SLC25A43: variants seen among roughly 807,000 people sequenced by gnomAD.
SLC25A43 encodes the protein solute carrier family 25 member 43, also known as solute carrier family 25, member 43.
A neutral mutation model predicts 22.8 loss-of-function variants in SLC25A43; 10 were observed. The ratio of observed to expected loss-of-function variants is 0.44; its 90% CI spans 0.27 to 0.74. The LOEUF (loss-of-function observed/expected upper bound fraction) is 0.74. SLC25A43 is among the 30% of genes least tolerant of loss of function. SLC25A43 has a pLI of 0.17. For synonymous variants in SLC25A43, 106 were observed against 121.6 expected (o/e 0.87, Z 0.84); for missense variants, 233 against 279.1 (o/e 0.83, Z 1.18).
Position 119,425,444 on chromosome X carries a change from G to A in SLC25A43, c.690+15082G>A, listed in dbSNP as rs1238413580. On this transcript the variant is annotated intron_variant, in intron 3 of 4. Transcript: ENST00000217909. ...GGAACAGAGTTCTATTTGCCTAACA[G>A]AGTCAAATTACCTGTCCAGAGGTAC... Among the ~76,000 whole-genome samples the A allele has an allele frequency of 1.1e-4, 12 of 111,417 alleles. 1 individual carries two copies. The highest frequency in any genetic ancestry group is 3.6e-4 in the African/African-American group (11 of 30,587).
At chrX:119,442,658 T>G (rs1351017808) in intron 3 of SLC25A43, among the ~76,000 whole-genome samples, 1 of 112,139 alleles carries the variant, frequency 8.9e-6, no homozygotes, top group East Asian at 2.8e-4. Flanking sequence ...AAGGAAACAC[T>G]TTAAAGTAAG....
In SLC25A43 at chrX:119,399,341, C is replaced by A; in HGVS notation, c.-63C>A. ...GGCGGGGCCTGGGGCCCGCCACCTC[C>A]GCCCGTGGCCGGAGAGCCCCAGGCC... is the stretch of plus-strand genomic sequence containing the variant. On this transcript the variant is annotated 5_prime_UTR_variant, in exon 1 of 5. Coordinates refer to ENST00000217909, the MANE Select transcript of SLC25A43 (RefSeq NM_145305.3). 2 of 845,404 alleles carry A rather than the reference C, an allele frequency of 2.4e-6. No homozygotes were observed. Among genetic ancestry groups the A allele is most frequent in the Non-Finnish European group, 3.0e-6 (2 of 671,695 alleles). 69.7% of individuals were successfully genotyped at this position (845,404 alleles called of 1,213,427 possible). A position where few individuals can be genotyped will look rare whatever the true frequency, so the allele number is the denominator to read the frequency against.
chrX:119,399,521 G>T lies in SLC25A43; in HGVS notation c.118G>T (p.Ala40Ser). Residue 40 changes from alanine (A) to serine (S), a missense_variant, in exon 1 of 5, where the codon GCC becomes TCC. Physicochemically the swap from Ala to Ser is moderately conservative, Grantham distance 99 (BLOSUM62 1). Transcript: ENST00000217909. ...GCCCCTGGAGCTCGCCACCGTGCTGGCCCAGGTTGGCGTCGTGCGAGGCCA... is the reference window on the plus strand; with the variant it reads ...GCCCCTGGAGCTCGCCACCGTGCTGTCCCAGGTTGGCGTCGTGCGAGGCCA... The part of the protein sequence containing the change: ...TAPLELATVL[A>S]QVGVVRGHAR... The T allele has an allele frequency of 9.2e-7, 1 of 1,092,564 alleles. No homozygotes were observed. The highest frequency in any genetic ancestry group is 1.9e-5 in the African/African-American group (1 of 52,554). The allele number at this position is 1,092,564 out of a possible 1,213,427, so 90.0% of individuals were successfully genotyped here.
rs1465240770 is a variant in SLC25A43, at chrX:119,410,326, CTCCT to C, written c.656_659del (p.Ser219PhefsTer6). On this transcript the variant is annotated frameshift_variant, in exon 3 of 5. Coordinates refer to ENST00000217909, the MANE Select transcript of SLC25A43 (RefSeq NM_145305.3). LOFTEE classifies it high-confidence loss of function. ...TGGCTGCTGCAGTGACCCAGACCCTCTCCTTTCCCTTTGAGACCGTGAAGAGAAA... is the reference window on the plus strand; with the variant it reads ...TGGCTGCTGCAGTGACCCAGACCCTCTTCCCTTTGAGACCGTGAAGAGAAA... 3 of 1,209,188 alleles carry C rather than the reference CTCCT, an allele frequency of 2.5e-6. No individual in the cohort carries two copies. The highest frequency in any genetic ancestry group is 3.4e-6 in the Non-Finnish European group (3 of 895,062).
At chrX:119,399,969 C>T (rs2052222902) in intron 1 of SLC25A43, among the ~76,000 whole-genome samples, 1 of 112,680 alleles carries the variant, frequency 8.9e-6, no homozygotes, top group Admixed American at 9.3e-5. Context: ...AGGTGGAATG[C>T]AGCAAAGGAT....
chrX:119,444,613 G>A (rs2052649516), intron 3 of SLC25A43, among the ~76,000 whole-genome samples: 1 of 108,603 alleles, frequency 9.2e-6, no homozygotes, highest in East Asian at 2.9e-4. Flanking sequence ...TGAGGCAGGA[G>A]AATCACTTGA....
chrX:119,416,251 G>A (rs1238031799), intron 3 of SLC25A43, among the ~76,000 whole-genome samples: 5 of 107,121 alleles, frequency 4.7e-5, no homozygotes, highest in Non-Finnish European at 9.6e-5. Flanking sequence ...ATGGAGTCTC[G>A]CTCTGTCGCC....
chrX:119,415,541 A>G (rs1457207347), intron 3 of SLC25A43, among the ~76,000 whole-genome samples: 1 of 108,938 alleles, frequency 9.2e-6, no homozygotes, highest in East Asian at 2.9e-4. Flanking sequence ...CTAAAAATGC[A>G]AAAATTAGCC....
At chrX:119,449,436 G>T (rs1369534320) in intron 3 of SLC25A43, among the ~76,000 whole-genome samples, 4 of 85,981 alleles carry the variant, frequency 4.7e-5, no homozygotes, top group African/African-American at 1.8e-4. Context: ...AAAAGAAGAA[G>T]AATGAATTGG....
chrX:119,410,713 A>T (rs1011043989), intron 3 of SLC25A43, among the ~76,000 whole-genome samples: 1 of 108,755 alleles, frequency 9.2e-6, no homozygotes, highest in Admixed American at 9.7e-5. Flanking sequence ...ACATGGTGAA[A>T]CCCCGCCTCT....
intron 3 of SLC25A43, among the ~76,000 whole-genome samples, chrX:119,413,706 CA>C (rs761049328): frequency 0.13 from 5,829 of 46,324 alleles, 206 homozygotes; most frequent in Middle Eastern, 0.25. Context: ...GACTCCATCT[CA>C]AAAAAAAAAA....
chrX:119,417,607 A>G (rs1408352446), intron 3 of SLC25A43, among the ~76,000 whole-genome samples: 1 of 110,610 alleles, frequency 9.0e-6, no homozygotes, highest in Non-Finnish European at 1.9e-5. Context: ...TCTGCATTCT[A>G]TACCCCTACC....
rs1361314100 is a variant in SLC25A43, at chrX:119,399,820, G to A, written c.275+142G>A. On this transcript the variant is annotated intron_variant, in intron 1 of 4. Transcript: ENST00000217909. Reference sequence around the variant, plus strand: ...TTGTCGATCACCTGGGGACCCCTCGGGGCGGTGGGCCACCTCTATGGCCCC... The same window carrying A: ...TTGTCGATCACCTGGGGACCCCTCGAGGCGGTGGGCCACCTCTATGGCCCC... The A allele has an allele frequency of 4.8e-6, 3 of 628,340 alleles. No homozygotes were observed. In the African/African-American group the frequency reaches 7.0e-5, roughly 15 times the overall value. The allele number at this position is 628,340 out of a possible 1,213,427, so 51.8% of individuals were successfully genotyped here.
intron 3 of SLC25A43, among the ~76,000 whole-genome samples, chrX:119,446,905 G>C (rs887409213): frequency 1.8e-5 from 2 of 112,033 alleles, no homozygotes; most frequent in African/African-American, 6.5e-5. Context: ...TTGTGAAAGA[G>C]GCCTCTTTGA....
intron 1 of SLC25A43, among the ~76,000 whole-genome samples, chrX:119,401,931 G>T (rs1421080958): frequency 9.0e-6 from 1 of 111,019 alleles, no homozygotes; most frequent in Non-Finnish European, 1.9e-5. Context: ...GGGAGAACGA[G>T]AACAGAGACT....
chrX:119,402,788 A>G (rs2052250305), intron 1 of SLC25A43, among the ~76,000 whole-genome samples: 2 of 111,415 alleles, frequency 1.8e-5, no homozygotes, highest in Middle Eastern at 4.2e-3. Context: ...TTTAAGATGC[A>G]TGGACTGAGA....
chrX:119,429,276 T>G (rs2147280126), intron 3 of SLC25A43, among the ~76,000 whole-genome samples: 1 of 111,061 alleles, frequency 9.0e-6, no homozygotes, highest in East Asian at 2.8e-4. Context: ...GGTCTCCATC[T>G]CCTGACCTCA....
chrX:119,415,391 A>G (rs921378952), intron 3 of SLC25A43, among the ~76,000 whole-genome samples: 2 of 110,726 alleles, frequency 1.8e-5, no homozygotes, highest in African/African-American at 6.5e-5. Context: ...ACATTTTAAT[A>G]CATTTAGAAT....
rs1221925863 is a variant in SLC25A43, at chrX:119,442,739, AGAAAT to A, written c.691-9261_691-9257del. Reference sequence around the variant, plus strand: ...ACCATCTACAATGTCTTGTGAAGAGAGAAATGAAATGAATTTTGATATTTGTTTTC... The same window carrying A: ...ACCATCTACAATGTCTTGTGAAGAGAGAAATGAATTTTGATATTTGTTTTC... On this transcript the variant is annotated intron_variant, in intron 3 of 4. Transcript: ENST00000217909. Among the ~76,000 whole-genome samples, 3 of 112,563 alleles carry A rather than the reference AGAAAT, an allele frequency of 2.7e-5. No individual in the cohort carries two copies. In the Admixed American group the frequency reaches 2.8e-4, roughly 11 times the overall value.
Sources: allele counts gnomAD v4.1 joint callset (sites outside exome capture counted in the v4.1 genomes callset), GRCh38; gene constraint gnomAD v4.1.1; transcripts MANE v1.5; gene names NCBI Gene and HGNC (gene_info 2026-07-23, HGNC 2026-07-21).